DDX10: variants seen among roughly 807,000 people sequenced by gnomAD.
DDX10 encodes probable ATP-dependent RNA helicase DDX10.
In DDX10, 74 loss-of-function variants were observed where a neutral mutation model predicts 104.3. That is an observed-to-expected ratio of 0.71 (90% CI 0.59 to 0.86). The LOEUF (loss-of-function observed/expected upper bound fraction) is 0.86, where lower values mean the gene tolerates loss of function less well. Among genes scored for constraint, DDX10 ranks in the 40% least tolerant of loss-of-function variants. DDX10 has a pLI of 0.00. For synonymous variants in DDX10, 351 were observed against 353.4 expected (o/e 0.99, Z 0.08); for missense variants, 952 against 1,040.0 (o/e 0.92, Z 1.16).
chr11:108,779,937 A>G (rs1313857255), intron 13 of DDX10, among the ~76,000 whole-genome samples: 3 of 152,122 alleles, frequency 2.0e-5, no homozygotes, highest in African/African-American at 7.2e-5. Flanking sequence ...ATGAGTTAGT[A>G]TTTTACCTTC....
At chr11:108,883,965 A>G (rs936569503) in intron 16 of DDX10, among the ~76,000 whole-genome samples, 1 of 151,936 alleles carries the variant, frequency 6.6e-6, no homozygotes, top group African/African-American at 2.4e-5. Flanking sequence ...AATGCTTCTG[A>G]GCTTAGTCCT....
intron 17 of DDX10, among the ~76,000 whole-genome samples, chr11:108,935,315 T>A (rs983232782): frequency 5.3e-5 from 8 of 152,014 alleles, no homozygotes; most frequent in African/African-American, 1.9e-4. Flanking sequence ...GAAAGGAGCC[T>A]CAAAGAGCAA....
chr11:108,805,663 G>A (rs1862088133), intron 13 of DDX10, among the ~76,000 whole-genome samples: 1 of 152,114 alleles, frequency 6.6e-6, no homozygotes, highest in Non-Finnish European at 1.5e-5. Context: ...TGACCTAGAG[G>A]AGTGATCTTT....
chr11:108,671,826 G>A (rs1387363195), intron 1 of DDX10, among the ~76,000 whole-genome samples: 1 of 152,000 alleles, frequency 6.6e-6, no homozygotes, highest in Admixed American at 6.6e-5. Flanking sequence ...TTGGGAAGCC[G>A]AGGCGGGTGG....
At chr11:108,812,989 A>AAAAAAAAAAAAAAAAAAC (rs1242165438) in intron 13 of DDX10, among the ~76,000 whole-genome samples, 1 of 150,846 alleles carries the variant, frequency 6.6e-6, no homozygotes, top group Non-Finnish European at 1.5e-5. Flanking sequence ...TAAAAAAAAA[A>AAAAAAAAAAAAAAAAAAC]AAAAGAACAA....
rs184157377 is a variant in DDX10, at chr11:108,753,214, C to G, written c.1965+29752C>G. Among the ~76,000 whole-genome samples the G allele has an allele frequency of 4.5e-4, 68 of 152,180 alleles. 1 individual carries two copies. Among genetic ancestry groups the G allele is most frequent in the Admixed American group, 1.3e-3 (20 of 15,268 alleles). On this transcript the variant is annotated intron_variant, in intron 13 of 17. Coordinates refer to ENST00000322536, the MANE Select transcript of DDX10 (RefSeq NM_004398.4). ...CTCATTAAAAATTTATGTCTTAATC[C>G]TAAGGCACAAACCTTACATAATTAC...
At chr11:108,939,636 T>C (rs1329740489) in intron 17 of DDX10, among the ~76,000 whole-genome samples, 1 of 152,234 alleles carries the variant, frequency 6.6e-6, no homozygotes, top group Non-Finnish European at 1.5e-5. Flanking sequence ...AGAAATTAGC[T>C]TTGTTTTTAT....
intron 13 of DDX10, among the ~76,000 whole-genome samples, chr11:108,796,305 C>T (rs1336047304): frequency 3.3e-5 from 5 of 152,168 alleles, no homozygotes; most frequent in African/African-American, 4.8e-5. Context: ...ATTTTTGTTC[C>T]GTGATGACAA....
chr11:108,675,725 C>T lies in DDX10; in HGVS notation c.377C>T (p.Pro126Leu), dbSNP rs2094224047. ...GSGKTLAFLV[P>L]VLEALYRLQW... is the part of the protein sequence containing the mutation. ...GGCAAGACTCTGGCTTTTCTTGTTC[C>T]AGTAAGTACATTGTCATTGGGTCAG... is the stretch of plus-strand genomic sequence containing the variant. The change falls in exon 3 of 18, where the codon CCA (proline) becomes CTA (leucine). Residue 126 changes from proline to leucine, a missense_variant and splice_region_variant. Around this residue, in one of 3 missense-constraint regions of DDX10, gnomAD observed 412 missense variants for 479.2 expected, o/e 0.86. Transcript: ENST00000322536. 2 of 1,614,020 alleles carry T rather than the reference C, an allele frequency of 1.2e-6. No homozygotes were observed. Among genetic ancestry groups the T allele is most frequent in the Non-Finnish European group, 1.7e-6 (2 of 1,179,960 alleles).
At chr11:108,858,084 C>A (rs977319338) in intron 16 of DDX10, among the ~76,000 whole-genome samples, 3 of 152,192 alleles carry the variant, frequency 2.0e-5, no homozygotes, top group African/African-American at 7.2e-5. Context: ...TTATTTCCAG[C>A]CCAGGAAGAC....
At chr11:108,694,935 G>A (rs1178500257) in intron 9 of DDX10, among the ~76,000 whole-genome samples, 1 of 151,808 alleles carries the variant, frequency 6.6e-6, no homozygotes, top group African/African-American at 2.4e-5. Context: ...CAGTCATTTG[G>A]AATTAAGTGG....
intron 13 of DDX10, among the ~76,000 whole-genome samples, chr11:108,780,843 C>T (rs568137636): frequency 6.6e-6 from 1 of 152,270 alleles, no homozygotes; most frequent in South Asian, 2.1e-4. Context: ...ATTTTAAATG[C>T]AGCTTACAAT....
chr11:108,925,886 G>A (rs1863901382), intron 17 of DDX10, among the ~76,000 whole-genome samples: 1 of 152,134 alleles, frequency 6.6e-6, no homozygotes, highest in Admixed American at 6.6e-5. Context: ...TGAAGACTGG[G>A]TTTTCTTTCC....
At chr11:108,715,996 T>C in intron 11 of DDX10, 30 bp downstream of exon 11, 1 of 1,165,802 alleles carries the variant, frequency 8.6e-7, no homozygotes, top group African/African-American at 1.5e-5. Context: ...GATACTTTCA[T>C]TGACTGGAAA....
intron 7 of DDX10, among the ~76,000 whole-genome samples, chr11:108,689,601 A>G (rs1404563898): frequency 1.3e-5 from 2 of 152,188 alleles, no homozygotes; most frequent in African/African-American, 4.8e-5. Flanking sequence ...TTTATATCTT[A>G]GTTAATAAAC....
At chr11:108,853,845 G>A (rs1239194319) in intron 16 of DDX10, among the ~76,000 whole-genome samples, 1 of 152,112 alleles carries the variant, frequency 6.6e-6, no homozygotes, top group African/African-American at 2.4e-5. Flanking sequence ...TCAAGGGAAG[G>A]TCTCATTTCT....
At chr11:108,879,005 T>G (rs984265069) in intron 16 of DDX10, among the ~76,000 whole-genome samples, 1 of 152,116 alleles carries the variant, frequency 6.6e-6, no homozygotes, top group South Asian at 2.1e-4. Context: ...TTTCTAAGTC[T>G]TTTTTTGTTT....
chr11:108,743,491 T>C (rs1004802021), intron 13 of DDX10, among the ~76,000 whole-genome samples: 5 of 152,206 alleles, frequency 3.3e-5, no homozygotes, highest in African/African-American at 1.2e-4. Context: ...CTCTCACCAC[T>C]TGTATTCAGC....
intron 16 of DDX10, among the ~76,000 whole-genome samples, chr11:108,901,804 C>T (rs910512351): frequency 6.6e-6 from 1 of 152,034 alleles, no homozygotes; most frequent in Non-Finnish European, 1.5e-5. Flanking sequence ...GTTTTACCAC[C>T]TATCTAGGGA....
Sources: allele counts gnomAD v4.1 joint callset (sites outside exome capture counted in the v4.1 genomes callset), GRCh38; gene constraint gnomAD v4.1.1; regional missense constraint gnomAD v4.1.1; transcripts MANE v1.5; gene names NCBI Gene and HGNC (gene_info 2026-07-23, HGNC 2026-07-21).